The following C2orf66 variants were observed in gnomAD, a reference collection of about 807,000 sequenced individuals.
C2orf66 encodes the protein chromosome 2 open reading frame 66.
Under a neutral mutation model 7.0 loss-of-function variants are expected in C2orf66, and 6 were observed. The observed-to-expected ratio is 0.86, with a 90% CI of 0.47 to 1.69. The LOEUF (loss-of-function observed/expected upper bound fraction) is 1.69, where lower values mean the gene tolerates loss of function less well. Among genes scored for constraint, C2orf66 ranks in the 40% most tolerant of loss-of-function variants. The probability of loss-of-function intolerance (pLI) is 0.01; values close to 1 mark genes in which losing one functional copy is unlikely to be tolerated. For missense variants in C2orf66, 107 were observed against 112.0 expected (o/e 0.96, Z 0.20); for synonymous variants, 38 against 43.8 (o/e 0.87, Z 0.52).
At chr2:196,828,262 AC>A in the C2orf66 span, among the ~76,000 whole-genome samples, 6 of 151,442 alleles carry the variant, frequency 4.0e-5, no homozygotes, top group Admixed American at 2.6e-4. Context: ...ACACACACAC[AC>A]ACACACACAC....
chr2:196,816,660 G>T, the C2orf66 span, among the ~76,000 whole-genome samples: 163 of 152,124 alleles, frequency 1.1e-3, no homozygotes, highest in Non-Finnish European at 1.9e-3. Context: ...ATATACCCAG[G>T]TAACAAACCA....
chr2:196,814,677 T>G, the C2orf66 span, among the ~76,000 whole-genome samples: 1 of 152,286 alleles, frequency 6.6e-6, no homozygotes, highest in Non-Finnish European at 1.5e-5. Context: ...TGCCCAATGT[T>G]GAGCCCAATA....
the C2orf66 span, among the ~76,000 whole-genome samples, chr2:196,823,674 AATT>A: frequency 7.0e-6 from 1 of 143,506 alleles, no homozygotes; most frequent in Middle Eastern, 3.6e-3. Flanking sequence ...CAAAGAAAGA[AATT>A]ATTATGTTAA....
At chr2:196,819,991 G>A in the C2orf66 span, among the ~76,000 whole-genome samples, 21 of 152,250 alleles carry the variant, frequency 1.4e-4, no homozygotes, top group East Asian at 2.7e-3. Flanking sequence ...AAACTGTGGC[G>A]TATTCATGAC....
upstream of C2orf66, chr2:196,809,430 C>T (rs762441034): frequency 2.6e-6 from 4 of 1,535,134 alleles, no homozygotes; most frequent in African/African-American, 1.4e-5. Context: ...GAGGAAACAT[C>T]TGTAAAGGCA....
chr2:196,824,675 T>C, the C2orf66 span, among the ~76,000 whole-genome samples: 23 of 152,180 alleles, frequency 1.5e-4, no homozygotes, highest in African/African-American at 5.1e-4. Flanking sequence ...GAAGTAATAA[T>C]AGACAGGTTC....
chr2:196,814,069 T>A (rs1699901013), upstream of C2orf66, among the ~76,000 whole-genome samples: 1 of 152,226 alleles, frequency 6.6e-6, no homozygotes, highest in Non-Finnish European at 1.5e-5. Flanking sequence ...ATCCCATTAC[T>A]GGGTATACAC....
chr2:196,818,197 G>A, the C2orf66 span, among the ~76,000 whole-genome samples: 4 of 152,262 alleles, frequency 2.6e-5, no homozygotes, highest in East Asian at 1.9e-4. Context: ...GACTTCCTGC[G>A]ACACCTGAGA....
chr2:196,805,634 A>C (rs572928754), intron 2 of C2orf66, among the ~76,000 whole-genome samples: 1 of 152,192 alleles, frequency 6.6e-6, no homozygotes, highest in Non-Finnish European at 1.5e-5. Context: ...GATACCACCA[A>C]CTGGGTGCTT....
chr2:196,829,714 A>G, the C2orf66 span, among the ~76,000 whole-genome samples: 84 of 150,710 alleles, frequency 5.6e-4, no homozygotes, highest in African/African-American at 1.7e-3. Context: ...TGGCTAACAC[A>G]GTGAAACCCC....
the C2orf66 span, among the ~76,000 whole-genome samples, chr2:196,821,022 T>C: frequency 7.2e-5 from 11 of 152,282 alleles, no homozygotes; most frequent in Non-Finnish European, 1.2e-4. Context: ...TTTGATTGCT[T>C]GTCTTTAAGA....
At chr2:196,823,742 A>C in the C2orf66 span, among the ~76,000 whole-genome samples, 3 of 152,204 alleles carry the variant, frequency 2.0e-5, no homozygotes, top group Admixed American at 2.0e-4. Flanking sequence ...ACTAGAGTTT[A>C]GGGGGCTGGA....
At chr2:196,827,096 C>A in the C2orf66 span, among the ~76,000 whole-genome samples, 1 of 151,428 alleles carries the variant, frequency 6.6e-6, no homozygotes, top group African/African-American at 2.4e-5. Context: ...AAGGAGGACC[C>A]TTTCTCTACA....
At chr2:196,806,298 C>T (rs180781704) in intron 2 of C2orf66, among the ~76,000 whole-genome samples, 55 of 152,084 alleles carry the variant, frequency 3.6e-4, no homozygotes, top group Non-Finnish European at 5.3e-4. Context: ...CCCAGGTTCA[C>T]GCCATTCTCC....
At chr2:196,828,230 T>TCACACACACACACACACACA in the C2orf66 span, among the ~76,000 whole-genome samples, 1 of 125,064 alleles carries the variant, frequency 8.0e-6, no homozygotes, top group Non-Finnish European at 1.7e-5. Flanking sequence ...TCTCTCTCTC[T>TCACACACACACACACACACA]CACACACACA....
At chr2:196,827,448 T>C in the C2orf66 span, among the ~76,000 whole-genome samples, 15 of 152,142 alleles carry the variant, frequency 9.9e-5, no homozygotes, top group African/African-American at 3.6e-4. Flanking sequence ...GGTCAAAATC[T>C]TTTCCAGAAA....
intron 2 of C2orf66, 29 bp from the exon 3 acceptor site, chr2:196,805,437 A>C (rs537614173): frequency 6.6e-6 from 1 of 152,314 alleles, no homozygotes; most frequent in South Asian, 2.1e-4. Context: ...GTTATAATTA[A>C]ATAGAAATTG....
chr2:196,811,003 C>A (rs144430913), upstream of C2orf66, among the ~76,000 whole-genome samples: 2 of 152,208 alleles, frequency 1.3e-5, no homozygotes, highest in Non-Finnish European at 2.9e-5. Flanking sequence ...TTGATTCAGT[C>A]TGAGAGCCAA....
chr2:196,825,464 T>A, the C2orf66 span, among the ~76,000 whole-genome samples: 562 of 152,332 alleles, frequency 3.7e-3, 4 homozygotes, highest in Non-Finnish European at 5.7e-3. Context: ...CACACAAGGT[T>A]ACTGGATATT....
Sources: gnomAD v4.1 joint callset for allele counts (sites outside exome capture counted in the v4.1 genomes callset) on GRCh38, gnomAD v4.1.1 for gene constraint, MANE v1.5 for transcripts, NCBI Gene and HGNC (gene_info 2026-07-23, HGNC 2026-07-21) for gene names.